MAP2K1: variants seen among roughly 807,000 people sequenced by gnomAD.
MAP2K1 encodes mitogen-activated protein kinase kinase 1.
A neutral mutation model predicts 46.3 loss-of-function variants in MAP2K1; 16 were observed. The observed-to-expected ratio is 0.35, with a 90% CI of 0.23 to 0.52. MAP2K1 has a LOEUF of 0.52. Among genes scored for constraint, MAP2K1 ranks in the 20% least tolerant of loss-of-function variants. The pLI is 0.94. For missense variants in MAP2K1, 263 were observed against 497.1 expected, an observed-to-expected ratio of 0.53 and a Z score of 4.48; for synonymous variants, 183 against 185.6, an observed-to-expected ratio of 0.99 and a Z score of 0.11.
chr15:66,433,082 G>A lies in MAP2K1; in HGVS notation c.81-1945G>A, dbSNP rs183877731. Among the ~76,000 whole-genome samples the A allele has an allele frequency of 9.8e-4, 148 of 151,748 alleles. 2 individuals are homozygous for A. Among genetic ancestry groups the A allele is most frequent in the Middle Eastern group, 3.4e-3 (1 of 294 alleles). On this transcript the variant is annotated intron_variant, in intron 1 of 10. Transcript: ENST00000307102. ...GTAACCTCACTCAGGTTTTAGCTGTGGGGTCCATCTACATTTGACATGTGT... is the reference window on the plus strand; with the variant it reads ...GTAACCTCACTCAGGTTTTAGCTGTAGGGTCCATCTACATTTGACATGTGT...
Position 66,444,723 on chromosome 15 carries a change from C to T in MAP2K1, c.568+16C>T. 6.2e-7 allele frequency: 1 copy of T among 1,606,986 alleles called. No homozygotes were observed. Among genetic ancestry groups the T allele is most frequent in the Non-Finnish European group, 8.5e-7 (1 of 1,173,602 alleles). On this transcript the variant is annotated intron_variant, in intron 5 of 10. Coordinates refer to ENST00000307102, the MANE Select transcript of MAP2K1 (RefSeq NM_002755.4). The stretch of plus-strand genomic sequence containing the variant: ...ATGCACAGAGGTAAGAAGTTATTTG[C>T]TAGTTATTTTGCTTTGAATTTTAGA...
chr15:66,481,514 G>A (rs774940612), intron 5 of MAP2K1, among the ~76,000 whole-genome samples: 1 of 152,186 alleles, frequency 6.6e-6, no homozygotes, highest in East Asian at 1.9e-4. Flanking sequence ...AGTGGAAATC[G>A]ACTGTCTTTC....
At chr15:66,467,994 T>C (rs1053659800) in intron 5 of MAP2K1, among the ~76,000 whole-genome samples, 19 of 152,238 alleles carry the variant, frequency 1.2e-4, no homozygotes, top group East Asian at 1.9e-4. Flanking sequence ...AACAAAAATG[T>C]ACCCTGGCTA....
chr15:66,471,193 C>T (rs2140650056), intron 5 of MAP2K1, among the ~76,000 whole-genome samples: 1 of 152,220 alleles, frequency 6.6e-6, no homozygotes, highest in Admixed American at 6.5e-5. Context: ...ATTTATTTTC[C>T]TTTCACAGGG....
At chr15:66,449,003 C>CA (rs59398424) in intron 5 of MAP2K1, among the ~76,000 whole-genome samples, 19,974 of 48,190 alleles carry the variant, frequency 0.41, 5,402 homozygotes, top group East Asian at 0.57. Context: ...GACACTGTCT[C>CA]AAAAAAAAAA....
chr15:66,460,091 A>G (rs993520952), intron 5 of MAP2K1, among the ~76,000 whole-genome samples: 1 of 152,170 alleles, frequency 6.6e-6, no homozygotes, highest in African/African-American at 2.4e-5. Flanking sequence ...TCTCTCTCCC[A>G]TCACAGCCAT....
rs542324215 is a variant in MAP2K1, at chr15:66,489,410, T to G, written c.1022+134T>G. 4.5e-6 allele frequency: 4 copies of G among 882,850 alleles called. No homozygotes were observed. The African/African-American group carries it at 6.6e-5, about 15-fold the overall frequency. 54.7% of individuals were successfully genotyped at this position (882,850 alleles called of 1,614,324 possible). A position where few individuals can be genotyped will look rare whatever the true frequency, so the allele number is the denominator to read the frequency against. On this transcript the variant is annotated intron_variant, in intron 9 of 10. Coordinates refer to ENST00000307102, the MANE Select transcript of MAP2K1 (RefSeq NM_002755.4). ...ACCCTCCCGTCTGATGATTCTTGGC[T>G]GCTGCCATAAGCCCTTTTTTAGAGT... is the stretch of plus-strand genomic sequence containing the variant.
Position 66,481,874 on chromosome 15 carries a change from A to C in MAP2K1, c.688A>C (p.Met230Leu). The C allele has an allele frequency of 6.2e-7, 1 of 1,613,774 alleles. No homozygotes were observed. Among genetic ancestry groups the C allele is most frequent in the Non-Finnish European group, 8.5e-7 (1 of 1,179,786 alleles). The change falls in exon 6 of 11, where the codon ATG (methionine) becomes CTG (leucine). Residue 230 changes from methionine (M) to leucine (L), a missense_variant. Physicochemically the swap from Met to Leu is conservative, Grantham distance 15 (BLOSUM62 2). Coordinates refer to ENST00000307102, the MANE Select transcript of MAP2K1 (RefSeq NM_002755.4). Reference protein sequence around the residue: ...ANSFVGTRSYMSPERLQGTHY... With the variant: ...ANSFVGTRSYLSPERLQGTHY... The stretch of plus-strand genomic sequence containing the variant: ...CTCCTTCGTGGGCACAAGGTCCTAC[A>C]TGTCGGTATGAACAGAAGTTTCCAT...
chr15:66,387,800 T>C (rs1355774389), intron 1 of MAP2K1, among the ~76,000 whole-genome samples: 2 of 152,170 alleles, frequency 1.3e-5, no homozygotes, highest in Non-Finnish European at 2.9e-5. Flanking sequence ...GGCTAATGTT[T>C]TGGAAAGAAT....
chr15:66,432,959 AGTGTGTGTGTGTGT>A (rs1164509967), intron 1 of MAP2K1, among the ~76,000 whole-genome samples: 14 of 131,904 alleles, frequency 1.1e-4, no homozygotes, highest in African/African-American at 3.1e-4. Flanking sequence ...CATCATGCAC[AGTGTGTGTGTGTGT>A]GTGTGTGTGT....
chr15:66,413,911 C>CTTCT (rs1567000282), intron 1 of MAP2K1, among the ~76,000 whole-genome samples: 2 of 111,538 alleles, frequency 1.8e-5, no homozygotes, highest in South Asian at 3.0e-4. Flanking sequence ...TCTTCTTCTT[C>CTTCT]TTTTTTTTTT....
intron 5 of MAP2K1, among the ~76,000 whole-genome samples, chr15:66,474,921 A>G (rs1022964095): frequency 6.7e-6 from 1 of 149,440 alleles, no homozygotes; most frequent in African/African-American, 2.5e-5. Flanking sequence ...AAAAAAAAGT[A>G]TATTTAAAAG....
At chr15:66,392,255 G>GTTTTTTTTTTTTTTTTTTTTTTTTTTT (rs58831070) in intron 1 of MAP2K1, among the ~76,000 whole-genome samples, 1 of 97,768 alleles carries the variant, frequency 1.0e-5, no homozygotes, top group Admixed American at 1.5e-4. Context: ...TTTTTTTTGG[G>GTTTTTTTTTTTTTTTTTTTTTTTTTTT]TTTTTTTTTT....
intron 1 of MAP2K1, among the ~76,000 whole-genome samples, chr15:66,427,169 TAAATG>T (rs1208621138): frequency 1.3e-5 from 2 of 152,228 alleles, no homozygotes; most frequent in Non-Finnish European, 2.9e-5. Context: ...TTGTAGAAAT[TAAATG>T]AGAGTGAAAT....
At chr15:66,487,610 C>CA (rs768330061) in intron 8 of MAP2K1, among the ~76,000 whole-genome samples, 3 of 148,292 alleles carry the variant, frequency 2.0e-5, no homozygotes, top group African/African-American at 2.6e-5. Flanking sequence ...AACAAAAAAA[C>CA]AAAAAAACAC....
intron 5 of MAP2K1, among the ~76,000 whole-genome samples, chr15:66,470,094 G>GTTTTTTTTTTTTTTTTTTTTT (rs55637393): frequency 1.3e-5 from 1 of 76,606 alleles, no homozygotes. Context: ...TTTTTTTCTT[G>GTTTTTTTTTTTTTTTTTTTTT]TTTTTTTTTT....
rs778371173 is a variant in MAP2K1 at position 66,490,716 on chromosome 15, A to AC, written c.*103dup. On this transcript the variant is annotated 3_prime_UTR_variant, in exon 11 of 11. Coordinates refer to ENST00000307102, the MANE Select transcript of MAP2K1 (RefSeq NM_002755.4). ...CTGTCTCTGTTCAGATGTGCATTTCACCTGTGACAAAGGATGAAGAACACA... is the reference window on the plus strand; with the variant it reads ...CTGTCTCTGTTCAGATGTGCATTTCACCCTGTGACAAAGGATGAAGAACACA... 1 of 828,898 alleles carries AC rather than the reference A, an allele frequency of 1.2e-6. No homozygotes were observed. The highest frequency in any genetic ancestry group is 1.4e-5 in the South Asian group (1 of 74,068). 51.3% of individuals were successfully genotyped at this position (828,898 alleles called of 1,614,324 possible). A position where few individuals can be genotyped will look rare whatever the true frequency, so the allele number is the denominator to read the frequency against.
chr15:66,398,733 GAGAC>G (rs2093374107), intron 1 of MAP2K1, among the ~76,000 whole-genome samples: 1 of 151,802 alleles, frequency 6.6e-6, no homozygotes, highest in African/African-American at 2.4e-5. Flanking sequence ...ATGCATTGTT[GAGAC>G]AGTTGGGGAA....
At chr15:66,487,544 CAT>C (rs1893083748) in intron 8 of MAP2K1, among the ~76,000 whole-genome samples, 1 of 152,142 alleles carries the variant, frequency 6.6e-6, no homozygotes, top group Admixed American at 6.5e-5. Flanking sequence ...GAGGCTGAGG[CAT>C]GAGAATTGCT....
Sources: allele counts gnomAD v4.1 joint callset (sites outside exome capture counted in the v4.1 genomes callset), GRCh38; gene constraint gnomAD v4.1.1; transcripts MANE v1.5; gene names NCBI Gene and HGNC (gene_info 2026-07-23, HGNC 2026-07-21).